The following DAB1 variants were observed in gnomAD, a reference collection of about 807,000 sequenced individuals.
The protein encoded by DAB1 is disabled homolog 1.
A neutral mutation model predicts 64.6 loss-of-function variants in DAB1; 15 were observed. That is an observed-to-expected ratio of 0.23 (90% CI 0.16 to 0.36). DAB1 has a LOEUF of 0.36. Among genes scored for constraint, DAB1 ranks in the 10% least tolerant of loss-of-function variants. The pLI, the probability that DAB1 is intolerant of heterozygous loss-of-function variation, is 1.00. For missense variants in DAB1, 596 were observed against 706.7 expected (o/e 0.84, Z 1.78); for synonymous variants, 235 against 251.9 (o/e 0.93, Z 0.64).
chr1:58,201,266 T>G (rs1275608600), intron 4 of DAB1, among the ~76,000 whole-genome samples: 1 of 152,196 alleles, frequency 6.6e-6, no homozygotes, highest in Non-Finnish European at 1.5e-5. Context: ...TCTGCCTGCC[T>G]TGGCCTCCCA....
chr1:58,142,753 A>G (rs972730044), intron 5 of DAB1, among the ~76,000 whole-genome samples: 2 of 152,220 alleles, frequency 1.3e-5, no homozygotes, highest in African/African-American at 4.8e-5. Context: ...GGCCTTGCTC[A>G]GATGCCCCTA....
chr1:58,351,684 T>C (rs1644059978), intron 3 of DAB1, among the ~76,000 whole-genome samples: 1 of 151,320 alleles, frequency 6.6e-6, no homozygotes, highest in African/African-American at 2.4e-5. Flanking sequence ...ATCTAGAAAA[T>C]GTGATAGATT....
chr1:57,129,269 G>T (rs140771910), intron 4 of DAB1, among the ~76,000 whole-genome samples: 1 of 152,204 alleles, frequency 6.6e-6, no homozygotes, highest in Non-Finnish European at 1.5e-5. Flanking sequence ...ATCTCATGGA[G>T]GCAGGTTCCT....
At chr1:58,104,951 A>G (rs1444858584) in intron 5 of DAB1, among the ~76,000 whole-genome samples, 3 of 152,242 alleles carry the variant, frequency 2.0e-5, no homozygotes, top group African/African-American at 7.2e-5. Context: ...CGCACATTCA[A>G]TAAAGCTACA....
In DAB1 at chr1:58,003,211, A is replaced by G. The variant is rs138972316; in HGVS notation, n.388-119049T>C. 4.8e-3 allele frequency among the ~76,000 whole-genome samples: 732 copies of G among 152,310 alleles called. 2 individuals carry two copies. The highest frequency in any genetic ancestry group is 7.8e-3 in the Non-Finnish European group (533 of 68,034). ...CAATGGATGGCCCAGTCACCAGGGC[A>G]TAGTAGGAACTCAAAATAAGCCCTT... On this transcript the variant is annotated intron_variant and non_coding_transcript_variant, in intron 5 of 20. Transcript: ENST00000485760.
intron 2 of DAB1, among the ~76,000 whole-genome samples, chr1:57,283,604 C>A (rs1672084533): frequency 6.6e-6 from 1 of 152,212 alleles, no homozygotes; most frequent in African/African-American, 2.4e-5. Context: ...GATTAGGTAG[C>A]CAGCCCAAGA....
intron 9 of DAB1, among the ~76,000 whole-genome samples, chr1:57,039,031 C>T (rs1488507925): frequency 4.6e-5 from 7 of 152,162 alleles, no homozygotes. Flanking sequence ...AACTAATTTG[C>T]TTGCAAGTGA....
intron 3 of DAB1, among the ~76,000 whole-genome samples, chr1:58,416,298 C>T (rs138545748): frequency 5.1e-4 from 78 of 152,312 alleles, no homozygotes; most frequent in Non-Finnish European, 8.7e-4. Context: ...TTCCCAGCTG[C>T]ATGACCCCAA....
At chr1:58,514,013 G>C (rs1646122221) in intron 2 of DAB1, among the ~76,000 whole-genome samples, 2 of 152,172 alleles carry the variant, frequency 1.3e-5, no homozygotes, top group Non-Finnish European at 2.9e-5. Context: ...GCAGTGAATT[G>C]TCAAGTTAAA....
chr1:57,842,445 C>A (rs953087946), intron 1 of DAB1, among the ~76,000 whole-genome samples: 2 of 152,126 alleles, frequency 1.3e-5, no homozygotes, highest in Non-Finnish European at 2.9e-5. Flanking sequence ...TAGCAATGCC[C>A]CACTTCTCTC....
chr1:57,158,921 G>C lies in DAB1; in HGVS notation c.68-13492C>G, dbSNP rs376609371. Among the ~76,000 whole-genome samples, 20 of 152,214 alleles carry C rather than the reference G, an allele frequency of 1.3e-4. 1 individual carries two copies. Among genetic ancestry groups the C allele is most frequent in the South Asian group, 4.1e-4 (2 of 4,826 alleles). On this transcript the variant is annotated intron_variant, in intron 2 of 14. Transcript: ENST00000371236. ...TTCTGAAAAGTGCCTTGCATAAAAG[G>C]CATCTGGAATCAATTTTCACGTTTC... is the stretch of plus-strand genomic sequence containing the variant.
At chr1:58,255,580 AAAAAT>A (rs1193871118) in intron 4 of DAB1, among the ~76,000 whole-genome samples, 2 of 152,180 alleles carry the variant, frequency 1.3e-5, no homozygotes, top group Non-Finnish European at 2.9e-5. Flanking sequence ...AACATATGGA[AAAAAT>A]AAAATAAAAT....
intron 7 of DAB1, among the ~76,000 whole-genome samples, chr1:57,532,310 C>G (rs1644673819): frequency 8.5e-6 from 1 of 116,966 alleles, no homozygotes; most frequent in Non-Finnish European, 1.9e-5. Flanking sequence ...TAATGAAGAG[C>G]CTGTAGGCTC....
chr1:57,658,363 G>C (rs1646342837), intron 6 of DAB1, among the ~76,000 whole-genome samples: 2 of 150,106 alleles, frequency 1.3e-5, no homozygotes, highest in Admixed American at 1.3e-4. Context: ...GAGTGCAGTG[G>C]CGTGATTTCT....
intron 7 of DAB1, among the ~76,000 whole-genome samples, chr1:57,592,346 TCTC>T (rs1364280596): frequency 1.3e-5 from 2 of 152,102 alleles, no homozygotes; most frequent in African/African-American, 4.8e-5. Context: ...GGTTTACTTC[TCTC>T]CTCAAGGACT....
chr1:57,207,237 G>A (rs1018952872), intron 2 of DAB1, among the ~76,000 whole-genome samples: 1 of 151,114 alleles, frequency 6.6e-6, no homozygotes, highest in African/African-American at 2.4e-5. Flanking sequence ...CTAAAGTGCT[G>A]GGATTACAGG....
chr1:58,303,806 G>A (rs1323969723), intron 4 of DAB1, among the ~76,000 whole-genome samples: 1 of 152,146 alleles, frequency 6.6e-6, no homozygotes, highest in African/African-American at 2.4e-5. Context: ...TCATAGGAGA[G>A]CTCACAATTT....
intron 7 of DAB1, among the ~76,000 whole-genome samples, chr1:57,621,312 G>C (rs932107829): frequency 4.0e-5 from 6 of 151,312 alleles, no homozygotes; most frequent in Middle Eastern, 3.4e-3. Context: ...GGGAGAGTTG[G>C]CCTGAAAATG....
chr1:58,027,018 C>A (rs1646904934), intron 5 of DAB1, among the ~76,000 whole-genome samples: 1 of 152,168 alleles, frequency 6.6e-6, no homozygotes, highest in Non-Finnish European at 1.5e-5. Context: ...TAAAACCACC[C>A]TTGGAATTTT....
Sources: allele counts gnomAD v4.1 joint callset (sites outside exome capture counted in the v4.1 genomes callset), GRCh38; gene constraint gnomAD v4.1.1; transcripts MANE v1.5; gene names NCBI Gene and HGNC (gene_info 2026-07-23, HGNC 2026-07-21).